Variants in ABCD3 observed in about 807,000 individuals in gnomAD.
ABCD3 encodes the protein ATP binding cassette subfamily D member 3.
Under a neutral mutation model 105.5 loss-of-function variants are expected in ABCD3, and 41 were observed. The ratio of observed to expected loss-of-function variants is 0.39; its 90% CI spans 0.30 to 0.50. The LOEUF is 0.50. Among genes scored for constraint, ABCD3 ranks in the 20% least tolerant of loss-of-function variants. The pLI is 0.84. For synonymous variants in ABCD3, 258 were observed against 269.0 expected (o/e 0.96, Z 0.40); for missense variants, 622 against 806.3 (o/e 0.77, Z 2.77).
At chr1:94,483,292 T>C (rs1227149410) in intron 10 of ABCD3, 53 bp downstream of exon 10, 2 of 1,407,314 alleles carry the variant, frequency 1.4e-6, no homozygotes, top group African/African-American at 1.4e-5. Context: ...TTTTTTTGTT[T>C]GTTTGTTTTG....
intron 20 of ABCD3, among the ~76,000 whole-genome samples, chr1:94,502,788 C>T (rs573581647): frequency 5.3e-5 from 8 of 152,244 alleles, no homozygotes; most frequent in Admixed American, 4.6e-4. Flanking sequence ...GCGTGAGCCG[C>T]CGCGCCCCAT....
chr1:94,488,290 A>G (rs939098000), intron 13 of ABCD3, among the ~76,000 whole-genome samples: 1 of 151,992 alleles, frequency 6.6e-6, no homozygotes, highest in Non-Finnish European at 1.5e-5. Context: ...TATGAATAGA[A>G]TTTTCTCATT....
chr1:94,438,301 TA>T lies in ABCD3; in HGVS notation c.110+19714del, dbSNP rs1659986723. Among the ~76,000 whole-genome samples the T allele has an allele frequency of 2.2e-3, 286 of 128,286 alleles. 4 individuals carry two copies. The highest frequency in any genetic ancestry group is 1.7e-3 in the Non-Finnish European group (98 of 58,942). The allele number at this position is 128,286 out of a possible 152,430, so 84.2% of individuals were successfully genotyped here. A position where few individuals can be genotyped will look rare whatever the true frequency, so the allele number is the denominator to read the frequency against. On this transcript the variant is annotated intron_variant, in intron 1 of 22. Transcript: ENST00000370214. ...ACTCCATCACACACACACACACACATACACACACACACACACACACACACAC... is the reference window on the plus strand; with the variant it reads ...ACTCCATCACACACACACACACACATCACACACACACACACACACACACAC...
intron 16 of ABCD3, 40 bp from the exon 17 acceptor site, chr1:94,498,552 TGTTAATTTGA>T: frequency 3.2e-6 from 5 of 1,570,166 alleles, no homozygotes; most frequent in Non-Finnish European, 4.4e-6. Context: ...ATTAAGTATA[TGTTAATTTGA>T]TTTAATTACT....
intron 21 of ABCD3, among the ~76,000 whole-genome samples, chr1:94,511,252 G>A (rs1424781896): frequency 6.6e-6 from 1 of 151,880 alleles, no homozygotes; most frequent in Non-Finnish European, 1.5e-5. Context: ...TACTTATGAA[G>A]CTTAGTTTGG....
At chr1:94,468,103 A>T (rs1353733827) in intron 4 of ABCD3, 96 bp downstream of exon 4, 7 of 916,486 alleles carry the variant, frequency 7.6e-6, no homozygotes, top group Non-Finnish European at 1.2e-5. Flanking sequence ...ATTCTAAGTT[A>T]GGTAAAAGAT....
chr1:94,493,313 AT>A (rs1649627745), intron 16 of ABCD3, among the ~76,000 whole-genome samples: 2 of 152,016 alleles, frequency 1.3e-5, no homozygotes. Context: ...AAAAGAAGAC[AT>A]TTATGCAGCC....
At chr1:94,510,588 G>A (rs1306433987) in intron 21 of ABCD3, among the ~76,000 whole-genome samples, 1 of 152,064 alleles carries the variant, frequency 6.6e-6, no homozygotes, top group African/African-American at 2.4e-5. Context: ...TTGACAGTGG[G>A]GTGTTAAAGT....
At chr1:94,472,496 A>C (rs1570789776) in intron 4 of ABCD3, among the ~76,000 whole-genome samples, 1 of 151,634 alleles carries the variant, frequency 6.6e-6, no homozygotes, top group African/African-American at 2.4e-5. Context: ...GGGGCTATAT[A>C]AACATTGGAG....
At chr1:94,495,463 A>G (rs1649751614) in intron 16 of ABCD3, among the ~76,000 whole-genome samples, 1 of 152,206 alleles carries the variant, frequency 6.6e-6, no homozygotes, top group South Asian at 2.1e-4. Flanking sequence ...ATACAGAAAA[A>G]TTATCACTGG....
At chr1:94,428,789 C>T (rs986102042) in intron 1 of ABCD3, among the ~76,000 whole-genome samples, 4 of 151,890 alleles carry the variant, frequency 2.6e-5, no homozygotes, top group African/African-American at 4.8e-5. Flanking sequence ...TGCCCAGTCT[C>T]GGGTATGTCT....
At chr1:94,459,986 T>C (rs1389729947) in intron 2 of ABCD3, among the ~76,000 whole-genome samples, 1 of 152,198 alleles carries the variant, frequency 6.6e-6, no homozygotes, top group Admixed American at 6.5e-5. Flanking sequence ...ATATACCACA[T>C]TATGTTTATC....
chr1:94,429,922 TG>T (rs1659609248), intron 1 of ABCD3, among the ~76,000 whole-genome samples: 1 of 152,188 alleles, frequency 6.6e-6, no homozygotes, highest in South Asian at 2.1e-4. Context: ...GCTTGCACTG[TG>T]CGCCTGGAAA....
intron 1 of ABCD3, among the ~76,000 whole-genome samples, chr1:94,438,050 A>T (rs1318669500): frequency 6.6e-6 from 1 of 152,094 alleles, no homozygotes; most frequent in Non-Finnish European, 1.5e-5. Flanking sequence ...GCACTTTGGG[A>T]GGCTGAGGCG....
At chr1:94,445,776 A>T (rs1050600860) in intron 1 of ABCD3, among the ~76,000 whole-genome samples, 1 of 152,172 alleles carries the variant, frequency 6.6e-6, no homozygotes, top group African/African-American at 2.4e-5. Context: ...GGAGTCTCTT[A>T]AAAAGGTGAT....
At chr1:94,457,864 A>G (rs1289591358) in intron 1 of ABCD3, among the ~76,000 whole-genome samples, 2 of 152,152 alleles carry the variant, frequency 1.3e-5, no homozygotes, top group South Asian at 2.1e-4. Flanking sequence ...CCCAGACACC[A>G]TATTACCTCA....
intron 13 of ABCD3, among the ~76,000 whole-genome samples, chr1:94,488,886 C>T (rs1404429860): frequency 6.6e-6 from 1 of 151,346 alleles, no homozygotes; most frequent in Non-Finnish European, 1.5e-5. Flanking sequence ...TCCCTCCCTT[C>T]GTCTCCCTGC....
chr1:94,407,090 T>G, the ABCD3 span, among the ~76,000 whole-genome samples: 712 of 152,292 alleles, frequency 4.7e-3, 8 homozygotes, highest in African/African-American at 0.016. Flanking sequence ...TAAAATTGCA[T>G]TAAGCTTATA....
chr1:94,449,754 T>TC lies in ABCD3; in HGVS notation c.111-8852dup, dbSNP rs764753987. Among the ~76,000 whole-genome samples the TC allele has an allele frequency of 8.4e-4, 128 of 152,236 alleles. 2 individuals are homozygous for TC. Among genetic ancestry groups the TC allele is most frequent in the Non-Finnish European group, 1.7e-3 (114 of 67,988 alleles). On this transcript the variant is annotated intron_variant, in intron 1 of 22. Coordinates refer to ENST00000370214, the MANE Select transcript of ABCD3 (RefSeq NM_002858.4). Reference sequence around the variant, plus strand: ...GGATGTTTAGCTTGAATTGCATCTCTCAGTCTGCGTGCCACAGCCACACTT... The same window carrying TC: ...GGATGTTTAGCTTGAATTGCATCTCTCCAGTCTGCGTGCCACAGCCACACTT...
Sources: allele counts gnomAD v4.1 joint callset (sites outside exome capture counted in the v4.1 genomes callset), GRCh38; gene constraint gnomAD v4.1.1; transcripts MANE v1.5; gene names NCBI Gene and HGNC (gene_info 2026-07-23, HGNC 2026-07-21).